The following RIMS2 variants were observed in gnomAD, a reference collection of about 807,000 sequenced individuals.
RIMS2 encodes the protein regulating synaptic membrane exocytosis protein 2.
RIMS2 carries 59 observed loss-of-function variants against 174.4 expected under a neutral mutation model. That is an observed-to-expected ratio of 0.34 (90% CI 0.27 to 0.42). The LOEUF (loss-of-function observed/expected upper bound fraction) is 0.42. Ranked by LOEUF, RIMS2 falls within the 10% of genes least tolerant of loss-of-function variation. The probability of loss-of-function intolerance (pLI) is 1.00; values close to 1 mark genes in which losing one functional copy is unlikely to be tolerated. For missense variants in RIMS2, 1,620 were observed against 1,666.3 expected, an observed-to-expected ratio of 0.97 and a Z score of 0.48; for synonymous variants, 606 against 572.5, an observed-to-expected ratio of 1.06 and a Z score of -0.84.
intron 13 of RIMS2, among the ~76,000 whole-genome samples, chr8:103,938,001 C>T (rs1265958897): frequency 6.6e-6 from 1 of 152,110 alleles, no homozygotes; most frequent in Non-Finnish European, 1.5e-5. Flanking sequence ...GGCACCCACC[C>T]CCATGCCCAG....
At position 103,993,157 on chromosome 8, in the gene RIMS2, AGTTT is replaced by A. The variant is rs545669456; in HGVS notation, c.3044+3737_3044+3740del. Reference sequence around the variant, plus strand: ...TAAGAGCTTTTTGTTTACTTGAGTTAGTTTACTATTAGAATAAGTATAGAGTATT... The same window carrying A: ...TAAGAGCTTTTTGTTTACTTGAGTTAACTATTAGAATAAGTATAGAGTATT... On this transcript the variant is annotated intron_variant, in intron 17 of 23. Transcript: ENST00000504942. Among the ~76,000 whole-genome samples, 4 of 152,238 alleles carry A rather than the reference AGTTT, an allele frequency of 2.6e-5. No homozygotes were observed. The South Asian group carries it at 8.3e-4, about 32-fold the overall frequency.
At chr8:103,634,620 T>C (rs374673198) in intron 1 of RIMS2, among the ~76,000 whole-genome samples, 4 of 152,218 alleles carry the variant, frequency 2.6e-5, no homozygotes, top group South Asian at 2.1e-4. Flanking sequence ...CAGTGGAGTG[T>C]TGAAATCTCC....
intron 19 of RIMS2, among the ~76,000 whole-genome samples, chr8:104,202,571 G>A (rs929981158): frequency 1.3e-5 from 2 of 152,192 alleles, no homozygotes; most frequent in Admixed American, 6.5e-5. Flanking sequence ...AAGATCAAGC[G>A]TCCAGCAGGA....
At chr8:104,243,903 T>C (rs2140004326) in intron 19 of RIMS2, among the ~76,000 whole-genome samples, 1 of 152,296 alleles carries the variant, frequency 6.6e-6, no homozygotes, top group South Asian at 2.1e-4. Context: ...GCTCAGTTTT[T>C]TGTGGAACCC....
intron 22 of RIMS2, 74 bp from the exon 29 acceptor site, chr8:104,250,950 T>C (rs1287591663): frequency 7.6e-7 from 1 of 1,317,620 alleles, no homozygotes. Context: ...ACTAAACTGG[T>C]AAATGTCACC....
chr8:103,952,473 A>G (rs1595724797), intron 14 of RIMS2, among the ~76,000 whole-genome samples: 1 of 152,182 alleles, frequency 6.6e-6, no homozygotes, highest in East Asian at 1.9e-4. Flanking sequence ...CAAACAGGGT[A>G]TGCAGCAGAC....
chr8:103,787,695 GC>G (rs1336018136), intron 3 of RIMS2, among the ~76,000 whole-genome samples: 1 of 152,144 alleles, frequency 6.6e-6, no homozygotes, highest in Non-Finnish European at 1.5e-5. Context: ...CTCTCTGGCT[GC>G]CCTTAACATT....
chr8:103,919,485 T>C (rs1009716281), intron 9 of RIMS2, among the ~76,000 whole-genome samples: 3 of 151,836 alleles, frequency 2.0e-5, no homozygotes, highest in Middle Eastern at 3.4e-3. Flanking sequence ...TTTGAGTAGA[T>C]ACTTAGTGTT....
chr8:104,253,649 G>GA (rs2099363805), downstream of RIMS2: 1 of 152,128 alleles, frequency 6.6e-6, no homozygotes, highest in Non-Finnish European at 1.5e-5. Context: ...CTATTTAGAG[G>GA]AAAAGTCACT....
At chr8:103,751,467 T>A (rs2097890434) in intron 2 of RIMS2, among the ~76,000 whole-genome samples, 1 of 151,780 alleles carries the variant, frequency 6.6e-6, no homozygotes, top group Non-Finnish European at 1.5e-5. Context: ...TACCCAGTAA[T>A]GGGATGTCTG....
chr8:104,234,435 A>G (rs2099248274), intron 19 of RIMS2, among the ~76,000 whole-genome samples: 1 of 152,004 alleles, frequency 6.6e-6, no homozygotes, highest in Admixed American at 6.6e-5. Flanking sequence ...AAAAAAAGCC[A>G]AGGAGTGAGG....
intron 1 of RIMS2, among the ~76,000 whole-genome samples, chr8:103,675,474 A>T (rs2096796979): frequency 6.6e-6 from 1 of 152,178 alleles, no homozygotes; most frequent in Admixed American, 6.6e-5. Context: ...TGGTCTAAGT[A>T]CTGAGGACAT....
At chr8:104,148,622 A>C in intron 19 of RIMS2, 1 of 1,597,830 alleles carries the variant, frequency 6.3e-7, no homozygotes. Context: ...TTACATCCAA[A>C]ATGCAAAGCA....
intron 3 of RIMS2, among the ~76,000 whole-genome samples, chr8:103,779,436 A>G (rs2098359230): frequency 6.6e-6 from 1 of 152,128 alleles, no homozygotes; most frequent in African/African-American, 2.4e-5. Flanking sequence ...GGTGAAAGAT[A>G]GGATTCTAGT....
chr8:103,662,648 C>T (rs2096616026), intron 1 of RIMS2, among the ~76,000 whole-genome samples: 1 of 151,868 alleles, frequency 6.6e-6, no homozygotes, highest in Admixed American at 6.6e-5. Flanking sequence ...AAATGAAACA[C>T]CTTTTCCCTT....
intron 1 of RIMS2, among the ~76,000 whole-genome samples, chr8:103,589,284 T>C (rs2094131387): frequency 6.6e-6 from 1 of 151,366 alleles, no homozygotes; most frequent in African/African-American, 2.4e-5. Context: ...GAATAGGCAC[T>C]TCTTGAATTA....
chr8:104,076,596 T>C (rs13252467), intron 19 of RIMS2, among the ~76,000 whole-genome samples: 33,579 of 151,986 alleles, frequency 0.22, 3,863 homozygotes, highest in South Asian at 0.33. Flanking sequence ...TATGGACAGT[T>C]TGATAATCAC....
Position 104,060,586 on chromosome 8 carries a change from T to A in RIMS2, c.3334+45971T>A, listed in dbSNP as rs1414742015. 1.8e-3 allele frequency among the ~76,000 whole-genome samples: 267 copies of A among 151,204 alleles called. 3 individuals are homozygous for A. The highest frequency in any genetic ancestry group is 0.01 in the Middle Eastern group (3 of 292). On this transcript the variant is annotated intron_variant, in intron 19 of 23. Transcript: ENST00000504942. ...CTATTTCCTTCAGTTCTGCTCTGAT[T>A]TTAGTTATTTCTTGCCTTCTGCTAG...
chr8:104,045,610 T>A lies in RIMS2; in HGVS notation c.3334+30995T>A, dbSNP rs538385344. Among the ~76,000 whole-genome samples the A allele has an allele frequency of 6.1e-4, 93 of 152,044 alleles. No homozygotes were observed. In the Middle Eastern group the frequency reaches 0.01, roughly 17 times the overall value. ...TGCTTGTGTAATATATCAGTTTTAC[T>A]CATAAGTAGATCTCAACATAAAAAA... is the stretch of plus-strand genomic sequence containing the variant. On this transcript the variant is annotated intron_variant, in intron 19 of 23. Coordinates refer to ENST00000504942, the Ensembl canonical transcript of RIMS2.
Sources: allele counts gnomAD v4.1 joint callset (sites outside exome capture counted in the v4.1 genomes callset), GRCh38; gene constraint gnomAD v4.1.1; transcripts MANE v1.5; gene names NCBI Gene and HGNC (gene_info 2026-07-23, HGNC 2026-07-21).